Variants in TNFAIP3 observed in about 807,000 individuals in gnomAD.
The protein encoded by TNFAIP3 is tumor necrosis factor alpha-induced protein 3.
In TNFAIP3, 9 loss-of-function variants were observed where a neutral mutation model predicts 72.4. The ratio of observed to expected loss-of-function variants is 0.12; its 90% CI spans 0.07 to 0.22. TNFAIP3 has a LOEUF of 0.22. Ranked by LOEUF, TNFAIP3 falls within the 10% of genes least tolerant of loss-of-function variation. The probability of loss-of-function intolerance (pLI) is 1.00; values close to 1 mark genes in which losing one functional copy is unlikely to be tolerated. For missense variants in TNFAIP3, 833 were observed against 1,018.7 expected (o/e 0.82, Z 2.48); for synonymous variants, 339 against 372.6 (o/e 0.91, Z 1.04).
Position 137,881,584 on chromosome 6 carries a change from G to A in TNFAIP3, c.*265G>A. 2.5e-6 allele frequency: 1 copy of A among 396,658 alleles called. No homozygotes were observed. The highest frequency in any genetic ancestry group is 4.5e-6 in the Non-Finnish European group (1 of 223,660). The allele number at this position is 396,658 out of a possible 1,614,324, so 24.6% of individuals were successfully genotyped here. ...CCCAAGGTTCCTCCTCTCCTACCAAGCAGGAGGCCAGGAACTTCTTTGGAC... is the reference window on the plus strand; with the variant it reads ...CCCAAGGTTCCTCCTCTCCTACCAAACAGGAGGCCAGGAACTTCTTTGGAC... On this transcript the variant is annotated 3_prime_UTR_variant, in exon 9 of 9. Coordinates refer to ENST00000612899, the MANE Select transcript of TNFAIP3 (RefSeq NM_001270508.2). This position sits in a 1 kb window ranked among gnomAD's most constrained non-coding sequence, Gnocchi z 5.0.
At chr6:137,872,796 G>A (rs1158862993) in intron 2 of TNFAIP3, among the ~76,000 whole-genome samples, 2 of 152,164 alleles carry the variant, frequency 1.3e-5, no homozygotes, top group African/African-American at 4.8e-5. Context: ...CTGACAATTT[G>A]TGGTTTTAAT....
intron 7 of TNFAIP3, 58 bp from the exon 8 acceptor site, chr6:137,880,013 T>A: frequency 6.6e-7 from 1 of 1,507,412 alleles, no homozygotes; most frequent in Admixed American, 1.8e-5. Flanking sequence ...ACTGTCAGCA[T>A]CTCTGTATCG....
intron 8 of TNFAIP3, 129 bp from the exon 9 acceptor site, chr6:137,880,906 C>A: frequency 1.0e-6 from 1 of 970,166 alleles, no homozygotes. Flanking sequence ...CTCTCCTGTT[C>A]CCTTGCTCAG....
chr6:137,872,910 A>G (rs1276247751), intron 2 of TNFAIP3, among the ~76,000 whole-genome samples: 1 of 152,230 alleles, frequency 6.6e-6, no homozygotes, highest in African/African-American at 2.4e-5. Flanking sequence ...ACACCTTATT[A>G]AGAGAATTAA....
rs2114502449 is a variant in TNFAIP3 at position 137,879,002 on chromosome 6, G to C, written c.1557G>C (p.Gly519=). 1 of 1,614,220 alleles carries C rather than the reference G, an allele frequency of 6.2e-7. No homozygotes were observed. The highest frequency in any genetic ancestry group is 1.7e-5 in the Admixed American group (1 of 60,038). ...APDHTRHLDP[G]KCQACLQDVT... ...ACCACACAAGGCACTTGGATCCCGGGAAGTGCCAAGCCTGCCTCCAGGATG... is the reference window on the plus strand; with the variant it reads ...ACCACACAAGGCACTTGGATCCCGGCAAGTGCCAAGCCTGCCTCCAGGATG... Residue 519 remains glycine, a synonymous_variant, in exon 7 of 9, where the codon GGG becomes GGC. Coordinates refer to ENST00000612899, the MANE Select transcript of TNFAIP3 (RefSeq NM_001270508.2).
chr6:137,871,748 T>C lies in TNFAIP3; in HGVS notation c.295+226T>C, dbSNP rs959341864. ...CTGATTGTGTATATTGCAGAGCACATTGAGGCTTGGAGAATGCATTTGTAA... is the reference window on the plus strand; with the variant it reads ...CTGATTGTGTATATTGCAGAGCACACTGAGGCTTGGAGAATGCATTTGTAA... On this transcript the variant is annotated intron_variant, in intron 2 of 8. Coordinates refer to ENST00000612899, the MANE Select transcript of TNFAIP3 (RefSeq NM_001270508.2). This position sits in a 1 kb window ranked among gnomAD's most constrained non-coding sequence, Gnocchi z 4.2. 3.7e-4 allele frequency among the ~76,000 whole-genome samples: 56 copies of C among 152,228 alleles called. 3 individuals carry two copies. Among genetic ancestry groups the C allele is most frequent in the African/African-American group, 7.2e-5 (3 of 41,464 alleles).
chr6:137,879,126 C>G lies in TNFAIP3; in HGVS notation c.1681C>G (p.Gln561Glu). Residue 561 changes from glutamine to glutamate, a missense_variant, in exon 7 of 9, where the codon CAG becomes GAG. Gln to Glu is a conservative substitution (Grantham distance 29). Around this residue, in one of 2 missense-constraint regions of TNFAIP3, gnomAD observed 587 missense variants for 657.8 expected, o/e 0.89. Transcript: ENST00000612899. ...CACCAGCCTCCCTCCTTCCTGTCAC[C>G]AGCGTTCCAAGTCAGATCCCTCGCG... ...LSTSLPPSCH[Q>E]RSKSDPSRLV... The G allele has an allele frequency of 6.2e-7, 1 of 1,614,170 alleles. No homozygotes were observed. Among genetic ancestry groups the G allele is most frequent in the East Asian group, 2.2e-5 (1 of 44,882 alleles).
intron 5 of TNFAIP3, 57 bp downstream of exon 5, chr6:137,876,223 C>T (rs2114486245): frequency 3.5e-6 from 5 of 1,442,918 alleles, no homozygotes; most frequent in South Asian, 1.3e-5. Flanking sequence ...TCAGGGTTTT[C>T]CTTTTTGCTT....
intron 1 of TNFAIP3, among the ~76,000 whole-genome samples, chr6:137,869,443 A>G (rs1775979262): frequency 6.6e-6 from 1 of 152,174 alleles, no homozygotes; most frequent in African/African-American, 2.4e-5. Context: ...CACAAAGGAA[A>G]GGTATATGTG....
At chr6:137,872,236 T>G (rs1406087202) in intron 2 of TNFAIP3, among the ~76,000 whole-genome samples, 1 of 152,230 alleles carries the variant, frequency 6.6e-6, no homozygotes, top group East Asian at 1.9e-4. Context: ...TACTGTTTTG[T>G]TTTTTAATCA....
chr6:137,878,721 G>C lies in TNFAIP3; in HGVS notation c.1276G>C (p.Gly426Arg). The change falls in exon 7 of 9, where the codon GGC becomes CGC. Residue 426 changes from glycine to arginine, a missense_variant. Gly to Arg is a moderately radical substitution (Grantham distance 125). Coordinates refer to ENST00000612899, the MANE Select transcript of TNFAIP3 (RefSeq NM_001270508.2). ...ACTCCCAAAGCTGAACTCCAAGCCG[G>C]GCCCTGAGGGGCTCCCTGGCATGGC... ...NKLPKLNSKP[G>R]PEGLPGMALG... The C allele has an allele frequency of 6.2e-7, 1 of 1,614,044 alleles. No homozygotes were observed. The highest frequency in any genetic ancestry group is 8.5e-7 in the Non-Finnish European group (1 of 1,180,018).
At chr6:137,877,866 A>G (rs1410549356) in intron 6 of TNFAIP3, among the ~76,000 whole-genome samples, 10 of 152,208 alleles carry the variant, frequency 6.6e-5, no homozygotes, top group Non-Finnish European at 1.3e-4. Flanking sequence ...CTGTCTCTCA[A>G]TGTGGAGATT....
At chr6:137,872,126 C>G (rs183144143) in intron 2 of TNFAIP3, among the ~76,000 whole-genome samples, 2 of 152,282 alleles carry the variant, frequency 1.3e-5, no homozygotes, top group East Asian at 3.9e-4. Flanking sequence ...TAGACTTCAC[C>G]TTCATTATTT....
At chr6:137,872,733 T>C (rs916678272) in intron 2 of TNFAIP3, among the ~76,000 whole-genome samples, 2 of 152,172 alleles carry the variant, frequency 1.3e-5, no homozygotes, top group African/African-American at 4.8e-5. Flanking sequence ...TTAAATTAAG[T>C]GATACTTAGA....
At chr6:137,879,423 A>G in intron 7 of TNFAIP3, 72 bp downstream of exon 7, 1 of 1,503,314 alleles carries the variant, frequency 6.7e-7, no homozygotes, top group Non-Finnish European at 8.9e-7. Flanking sequence ...ACCTTTAAGA[A>G]AAAAAGCCCA....
In TNFAIP3 at chr6:137,881,393, A is replaced by G. The variant is rs1433772682; in HGVS notation, c.*74A>G. 7.4e-7 allele frequency: 1 copy of G among 1,359,020 alleles called. No individual in the cohort carries two copies. The highest frequency in any genetic ancestry group is 1.0e-6 in the Non-Finnish European group (1 of 993,670). The allele number at this position is 1,359,020 out of a possible 1,614,324, so 84.2% of individuals were successfully genotyped here. ...CAGTCATCATGGTGCTATCCTCTGA[A>G]CCCCTCAGCTGCCACTGCAACAGTG... On this transcript the variant is annotated 3_prime_UTR_variant, in exon 9 of 9. Transcript: ENST00000612899. This position sits in a 1 kb window ranked among gnomAD's most constrained non-coding sequence, Gnocchi z 5.0.
At chr6:137,874,192 A>G (rs561092841) in intron 2 of TNFAIP3, among the ~76,000 whole-genome samples, 1 of 152,372 alleles carries the variant, frequency 6.6e-6, no homozygotes, top group African/African-American at 2.4e-5. Flanking sequence ...CTTTACAGTT[A>G]CTAACAAGCA....
intron 2 of TNFAIP3, among the ~76,000 whole-genome samples, chr6:137,872,852 A>T (rs184982629): frequency 1.3e-5 from 2 of 152,292 alleles, no homozygotes; most frequent in East Asian, 3.9e-4. Context: ...ACTTTGGGGG[A>T]GTTGGAAACA....
At chr6:137,866,943 T>G (rs1023290038), upstream of TNFAIP3, 17 of 152,184 alleles carry the variant, frequency 1.1e-4, no homozygotes, top group African/African-American at 3.9e-4. Flanking sequence ...CACATGGATG[T>G]GACGTGACCC....
Sources: allele counts gnomAD v4.1 joint callset (sites outside exome capture counted in the v4.1 genomes callset), GRCh38; gene constraint gnomAD v4.1.1; regional missense constraint gnomAD v4.1.1; non-coding constraint Gnocchi (gnomAD v3.1); transcripts MANE v1.5; gene names NCBI Gene and HGNC (gene_info 2026-07-23, HGNC 2026-07-21).